CDK14: variants seen among roughly 807,000 people sequenced by gnomAD.
The protein encoded by CDK14 is cyclin-dependent kinase 14.
CDK14 carries 34 observed loss-of-function variants against 60.7 expected under a neutral mutation model. The observed-to-expected ratio is 0.56, with a 90% CI of 0.43 to 0.75. The LOEUF (loss-of-function observed/expected upper bound fraction) is 0.75, where lower values mean the gene tolerates loss of function less well. CDK14 is among the 30% of genes least tolerant of loss of function. The pLI is 0.00. For missense variants in CDK14, 482 were observed against 564.1 expected (o/e 0.85, Z 1.47); for synonymous variants, 197 against 203.7 (o/e 0.97, Z 0.28).
intron 4 of CDK14, among the ~76,000 whole-genome samples, chr7:90,785,647 C>T (rs1490733394): frequency 1.3e-5 from 2 of 151,740 alleles, no homozygotes; most frequent in East Asian, 1.9e-4. Context: ...ATTAGCTAGG[C>T]GTGGTGGTGG....
chr7:90,602,232 G>A (rs1411514255), intron 1 of CDK14, among the ~76,000 whole-genome samples: 1 of 152,186 alleles, frequency 6.6e-6, no homozygotes. Context: ...TGAATTGTAA[G>A]TTTGCTGCTG....
intron 2 of CDK14, among the ~76,000 whole-genome samples, chr7:90,628,502 T>C (rs1799923786): frequency 6.6e-6 from 1 of 152,104 alleles, no homozygotes; most frequent in Admixed American, 6.6e-5. Context: ...TCAGTGTGGA[T>C]GTGAATCACC....
chr7:91,204,709 G>C (rs932521315), intron 14 of CDK14, among the ~76,000 whole-genome samples: 1 of 152,226 alleles, frequency 6.6e-6, no homozygotes, highest in Non-Finnish European at 1.5e-5. Flanking sequence ...AGCACTTTGG[G>C]AGGCCAAGGC....
At chr7:91,196,042 T>C (rs964635848) in intron 14 of CDK14, among the ~76,000 whole-genome samples, 3 of 152,244 alleles carry the variant, frequency 2.0e-5, no homozygotes, top group Non-Finnish European at 4.4e-5. Flanking sequence ...TACGTACTTT[T>C]CAGTTATTCC....
intron 5 of CDK14, chr7:90,824,844 T>A (rs1285735674): frequency 6.6e-6 from 1 of 152,226 alleles, no homozygotes; most frequent in Non-Finnish European, 1.5e-5. Context: ...GCAATTATTG[T>A]AATAACTTAA....
intron 2 of CDK14, among the ~76,000 whole-genome samples, chr7:90,721,903 T>TG (rs1176208413): frequency 1.3e-5 from 2 of 152,146 alleles, no homozygotes; most frequent in Non-Finnish European, 2.9e-5. Context: ...AGATTCTATT[T>TG]GGGGTGGGAA....
chr7:91,042,902 T>A (rs886149186), intron 10 of CDK14, among the ~76,000 whole-genome samples: 1 of 152,230 alleles, frequency 6.6e-6, no homozygotes, highest in African/African-American at 2.4e-5. Flanking sequence ...AGGTAGCCAG[T>A]CATTGCTAAT....
chr7:91,118,009 A>G (rs1363949122), intron 13 of CDK14, 56 bp from the exon 14 acceptor site: 7 of 1,009,036 alleles, frequency 6.9e-6, no homozygotes, highest in African/African-American at 3.3e-5. Flanking sequence ...TAAAAAAAAA[A>G]CATGATTATA....
intron 8 of CDK14, among the ~76,000 whole-genome samples, chr7:90,946,667 G>C (rs1794110573): frequency 6.6e-6 from 1 of 152,098 alleles, no homozygotes; most frequent in Admixed American, 6.6e-5. Flanking sequence ...CTCATGGAAT[G>C]TTTTAAAAAT....
intron 6 of CDK14, among the ~76,000 whole-genome samples, chr7:90,893,979 A>G (rs976098853): frequency 6.6e-6 from 1 of 152,228 alleles, no homozygotes; most frequent in African/African-American, 2.4e-5. Context: ...ATATGTAAAG[A>G]TTAAATGCAA....
intron 6 of CDK14, among the ~76,000 whole-genome samples, chr7:90,885,901 G>A (rs1221376891): frequency 3.3e-5 from 5 of 152,132 alleles, no homozygotes; most frequent in African/African-American, 1.2e-4. Context: ...ACACACCAGG[G>A]CCTGTTGGGG....
chr7:90,746,651 A>C (rs150496780), intron 3 of CDK14, among the ~76,000 whole-genome samples: 2,197 of 152,320 alleles, frequency 0.014, 21 homozygotes, highest in Middle Eastern at 0.027. Context: ...TCTTATTGAA[A>C]TAGAAGGTGA....
chr7:90,934,647 T>TA (rs1173382111), intron 8 of CDK14, among the ~76,000 whole-genome samples: 1 of 152,220 alleles, frequency 6.6e-6, no homozygotes. Context: ...TTCTGTAAAT[T>TA]AAAAAACTAA....
intron 2 of CDK14, among the ~76,000 whole-genome samples, chr7:90,720,858 C>G (rs1802423243): frequency 6.6e-6 from 1 of 152,032 alleles, no homozygotes; most frequent in Admixed American, 6.6e-5. Flanking sequence ...TCAGAACAGC[C>G]ACGGTTACAG....
chr7:91,202,742 G>A (rs1284303554), intron 14 of CDK14, among the ~76,000 whole-genome samples: 2 of 152,334 alleles, frequency 1.3e-5, no homozygotes, highest in Middle Eastern at 3.4e-3. Flanking sequence ...GGGCCATTCG[G>A]AGTCATCTCA....
chr7:90,599,617 T>C (rs1799271252), intron 1 of CDK14, among the ~76,000 whole-genome samples: 1 of 152,256 alleles, frequency 6.6e-6, no homozygotes. Context: ...TTTCTGTTTA[T>C]ACCCCATCAT....
At chr7:90,920,939 T>A (rs1584125310) in intron 8 of CDK14, among the ~76,000 whole-genome samples, 1 of 102,770 alleles carries the variant, frequency 9.7e-6, no homozygotes, top group Admixed American at 9.8e-5. Flanking sequence ...GCTGTAACTA[T>A]TTTTTTTTTC....
chr7:91,022,811 A>G (rs1193239540), intron 10 of CDK14, among the ~76,000 whole-genome samples: 1 of 152,082 alleles, frequency 6.6e-6, no homozygotes, highest in Non-Finnish European at 1.5e-5. Context: ...TTTCCATTGT[A>G]TTGTTTAAAA....
intron 4 of CDK14, among the ~76,000 whole-genome samples, chr7:90,780,429 TTTA>T (rs974498394): frequency 8.6e-5 from 13 of 151,288 alleles, no homozygotes; most frequent in Admixed American, 7.3e-4. Flanking sequence ...TTTATTTTAT[TTTA>T]TTATTATTAT....
Sources: allele counts gnomAD v4.1 joint callset (sites outside exome capture counted in the v4.1 genomes callset), GRCh38; gene constraint gnomAD v4.1.1; transcripts MANE v1.5; gene names NCBI Gene and HGNC (gene_info 2026-07-23, HGNC 2026-07-21).